FBN2: variants seen among roughly 807,000 people sequenced by gnomAD.
FBN2 encodes fibrillin 2, also known as fibrillin-2.
Under a neutral mutation model 355.6 loss-of-function variants are expected in FBN2, and 105 were observed. That is an observed-to-expected ratio of 0.30 (90% CI 0.25 to 0.35). FBN2 has a LOEUF of 0.35. Among genes scored for constraint, FBN2 ranks in the 10% least tolerant of loss-of-function variants. FBN2 has a pLI of 1.00. For missense variants in FBN2, 3,280 were observed against 3,758.7 expected (o/e 0.87, Z 3.33); for synonymous variants, 1,350 against 1,301.2 (o/e 1.04, Z -0.81).
At chr5:128,408,905 T>C in intron 7 of FBN2, 106 bp from the exon 8 acceptor site, 1 of 1,195,296 alleles carries the variant, frequency 8.4e-7, no homozygotes, top group Non-Finnish European at 1.2e-6. Context: ...GTTGATTAGG[T>C]CAGATCATAT....
Position 128,463,846 on chromosome 5 carries a change from C to T in FBN2, c.826+878G>A, listed in dbSNP as rs1260604403. Among the ~76,000 whole-genome samples the T allele has an allele frequency of 2.0e-5, 3 of 152,190 alleles. No homozygotes were observed. The East Asian group carries it at 5.8e-4, about 29-fold the overall frequency. On this transcript the variant is annotated intron_variant, in intron 6 of 64. Transcript: ENST00000262464. ...CATGTTTTAATTATAGAAAATAACC[C>T]TAACTCTCAAAGTCTCAAATATGAA... is the stretch of plus-strand genomic sequence containing the variant.
intron 2 of FBN2, among the ~76,000 whole-genome samples, chr5:128,531,514 A>G (rs1756705113): frequency 6.6e-6 from 1 of 152,122 alleles, no homozygotes; most frequent in South Asian, 2.1e-4. Flanking sequence ...ACTAAAGGAC[A>G]TATTCGTGCA....
intron 6 of FBN2, 78 bp downstream of exon 6, chr5:128,464,646 A>G: frequency 1.4e-6 from 2 of 1,452,238 alleles, no homozygotes; most frequent in Non-Finnish European, 1.9e-6. Context: ...GCTACCATCC[A>G]GTGCCAGATT....
intron 59 of FBN2, among the ~76,000 whole-genome samples, chr5:128,275,349 G>T (rs1484705969): frequency 1.3e-5 from 2 of 150,490 alleles, no homozygotes; most frequent in African/African-American, 2.4e-5. Context: ...ATTTTTTTTT[G>T]ATATGGAGTC....
At chr5:128,502,692 A>G (rs1755851385) in intron 5 of FBN2, among the ~76,000 whole-genome samples, 2 of 152,194 alleles carry the variant, frequency 1.3e-5, no homozygotes. Context: ...TGGCCTAAGT[A>G]TTTTAATCAG....
intron 62 of FBN2, 38 bp downstream of exon 62, chr5:128,271,961 T>C (rs1239570334): frequency 6.2e-7 from 1 of 1,611,618 alleles, no homozygotes; most frequent in Admixed American, 1.7e-5. Context: ...CACTTTCAGG[T>C]GAGAAAAGCA....
rs770944927 is a variant in FBN2 at position 128,392,295 on chromosome 5, A to T, written c.1466-140T>A. On this transcript the variant is annotated intron_variant, in intron 10 of 64. Transcript: ENST00000262464. ...TATTTTATATTTTATTAAAACTTTA[A>T]TGTGGAGAATCTAAAAAATATTACT... 1.1e-4 allele frequency: 84 copies of T among 738,340 alleles called. 1 individual carries two copies. Among genetic ancestry groups the T allele is most frequent in the South Asian group, 3.3e-4 (17 of 52,004 alleles). 45.7% of individuals were successfully genotyped at this position (738,340 alleles called of 1,614,324 possible).
intron 1 of FBN2, among the ~76,000 whole-genome samples, chr5:128,536,931 G>A (rs1756862614): frequency 6.6e-6 from 1 of 151,954 alleles, no homozygotes. Flanking sequence ...GAGAAGGTGA[G>A]CTGTGAACCC....
intron 60 of FBN2, 23 bp downstream of exon 60, chr5:128,274,544 T>C (rs1765341772): frequency 7.5e-7 from 1 of 1,324,720 alleles, no homozygotes; most frequent in African/African-American, 1.4e-5. Context: ...TTGTAAAATT[T>C]CCCATTTGTA....
intron 35 of FBN2, among the ~76,000 whole-genome samples, chr5:128,318,551 T>C (rs1420332672): frequency 6.6e-6 from 1 of 151,878 alleles, no homozygotes; most frequent in African/African-American, 2.4e-5. Context: ...TGTCACTATT[T>C]GCTTAACAAA....
chr5:128,306,506 C>A (rs1377851481), intron 42 of FBN2, among the ~76,000 whole-genome samples: 1 of 151,938 alleles, frequency 6.6e-6, no homozygotes, highest in Non-Finnish European at 1.5e-5. Context: ...CCTGTAATCC[C>A]AGCTACTCAG....
At chr5:128,513,821 C>T (rs1756197653) in intron 5 of FBN2, among the ~76,000 whole-genome samples, 2 of 152,222 alleles carry the variant, frequency 1.3e-5, no homozygotes, top group South Asian at 4.1e-4. Flanking sequence ...TCTTCCACTT[C>T]CCACTGTCTG....
intron 24 of FBN2, among the ~76,000 whole-genome samples, chr5:128,344,848 G>C (rs1372030679): frequency 6.6e-6 from 1 of 151,954 alleles, no homozygotes; most frequent in African/African-American, 2.4e-5. Context: ...TTACAGGCGC[G>C]AGCCACCACG....
intron 30 of FBN2, 42 bp downstream of exon 30, chr5:128,335,128 C>T (rs530360534): frequency 7.4e-5 from 119 of 1,612,278 alleles, no homozygotes; most frequent in Non-Finnish European, 9.9e-5. Context: ...GGTGTGTGTG[C>T]ATGTGTGTGT....
At chr5:128,366,266 A>G in intron 17 of FBN2, 111 bp downstream of exon 17, 1 of 555,652 alleles carries the variant, frequency 1.8e-6, no homozygotes, top group South Asian at 2.6e-5. Flanking sequence ...TAATCTTATT[A>G]TTTTATAATA....
At chr5:128,437,586 G>A (rs1002116018) in intron 7 of FBN2, among the ~76,000 whole-genome samples, 1 of 152,080 alleles carries the variant, frequency 6.6e-6, no homozygotes, top group Admixed American at 6.5e-5. Flanking sequence ...TTTGGTTTTG[G>A]TGGCTTCATG....
chr5:128,328,880 C>T (rs1750623069), intron 33 of FBN2, 59 bp from the exon 34 acceptor site: 1 of 1,588,790 alleles, frequency 6.3e-7, no homozygotes, highest in East Asian at 2.2e-5. Context: ...CACATTTTCT[C>T]CTTGCTCTAT....
intron 5 of FBN2, among the ~76,000 whole-genome samples, chr5:128,475,395 G>A (rs561755784): frequency 7.9e-5 from 12 of 151,968 alleles, no homozygotes; most frequent in Non-Finnish European, 1.6e-4. Flanking sequence ...TCAATATTTA[G>A]ACTCAACAGA....
intron 62 of FBN2, among the ~76,000 whole-genome samples, chr5:128,268,848 A>C (rs1464925941): frequency 1.3e-5 from 2 of 152,220 alleles, no homozygotes; most frequent in Non-Finnish European, 2.9e-5. Context: ...AAAACTTAAT[A>C]AACTAGATAT....
Sources: allele counts gnomAD v4.1 joint callset (sites outside exome capture counted in the v4.1 genomes callset), GRCh38; gene constraint gnomAD v4.1.1; transcripts MANE v1.5; gene names NCBI Gene and HGNC (gene_info 2026-07-23, HGNC 2026-07-21).